Variants in TRPC4 observed in about 807,000 individuals in gnomAD.
The protein encoded by TRPC4 is short transient receptor potential channel 4.
In TRPC4, 49 loss-of-function variants were observed where a neutral mutation model predicts 99.4. The observed-to-expected ratio is 0.49, with a 90% CI of 0.39 to 0.63. The LOEUF (loss-of-function observed/expected upper bound fraction) is 0.63, where lower values mean the gene tolerates loss of function less well. TRPC4 is among the 20% of genes least tolerant of loss of function. The probability of loss-of-function intolerance (pLI) is 0.00; values close to 1 mark genes in which losing one functional copy is unlikely to be tolerated. For synonymous variants in TRPC4, 454 were observed against 425.9 expected (o/e 1.07, Z -0.81); for missense variants, 898 against 1,152.9 (o/e 0.78, Z 3.20).
chr13:37,782,936 A>C lies in TRPC4; in HGVS notation c.378+20T>G. The C allele has an allele frequency of 7.0e-7, 1 of 1,425,384 alleles. No homozygotes were observed. Among genetic ancestry groups the C allele is most frequent in the South Asian group, 1.8e-5 (1 of 55,722 alleles). The allele number at this position is 1,425,384 out of a possible 1,614,324, so 88.3% of individuals were successfully genotyped here. A position where few individuals can be genotyped will look rare whatever the true frequency, so the allele number is the denominator to read the frequency against. ...CCTTCTGCAGGTAAAATAAATTAAA[A>C]ACTGTATTTTTGCAGGTACCTGTTT... is the stretch of plus-strand genomic sequence containing the variant. On this transcript the variant is annotated intron_variant, in intron 2 of 10. Transcript: ENST00000379705.
intron 1 of TRPC4, among the ~76,000 whole-genome samples, chr13:37,842,474 C>T (rs1332343526): frequency 6.7e-6 from 1 of 149,868 alleles, no homozygotes; most frequent in Non-Finnish European, 1.5e-5. Context: ...ATCTTTGTTT[C>T]TGTAGCTGTT....
At position 37,637,438 on chromosome 13, in the gene TRPC4, G is replaced by C. The variant is rs2138517722; in HGVS notation, c.2399C>G (p.Thr800Ser). ...KKKNFSLFDL[T>S]TLIHPRSAAI... Reference sequence around the variant, plus strand: ...TGCTGATCTCGGATGAATCAGGGTGGTTAAATCAAAAAGGCTGAAATTCTT... The same window carrying C: ...TGCTGATCTCGGATGAATCAGGGTGCTTAAATCAAAAAGGCTGAAATTCTT... Residue 800 changes from threonine to serine, a missense_variant, in exon 11 of 11, where the codon ACC becomes AGC. Thr to Ser is a moderately conservative substitution (Grantham distance 58, BLOSUM62 1). Transcript: ENST00000379705. 6.2e-7 allele frequency: 1 copy of C among 1,613,594 alleles called. No individual in the cohort carries two copies. The highest frequency in any genetic ancestry group is 8.5e-7 in the Non-Finnish European group (1 of 1,179,776).
chr13:37,721,812 A>G (rs1954880236), intron 3 of TRPC4, among the ~76,000 whole-genome samples: 1 of 152,048 alleles, frequency 6.6e-6, no homozygotes, highest in Non-Finnish European at 1.5e-5. Context: ...AAATATTTTT[A>G]TGGGTATACA....
chr13:37,687,990 T>G (rs1379286551), intron 4 of TRPC4, among the ~76,000 whole-genome samples: 1 of 152,246 alleles, frequency 6.6e-6, no homozygotes, highest in East Asian at 1.9e-4. Flanking sequence ...GTTTTCTGCA[T>G]TAGTTAGAAC....
chr13:37,722,418 A>G (rs1453350201), intron 3 of TRPC4, among the ~76,000 whole-genome samples: 1 of 152,244 alleles, frequency 6.6e-6, no homozygotes, highest in Non-Finnish European at 1.5e-5. Flanking sequence ...TAATCAGAGC[A>G]TTCAAATTTC....
At chr13:37,694,639 T>C (rs529527390) in intron 3 of TRPC4, among the ~76,000 whole-genome samples, 1 of 152,364 alleles carries the variant, frequency 6.6e-6, no homozygotes, top group South Asian at 2.1e-4. Context: ...TTTATTTTTT[T>C]TCTTAAAAGT....
chr13:37,702,041 T>C (rs1188220130), intron 3 of TRPC4, among the ~76,000 whole-genome samples: 1 of 152,170 alleles, frequency 6.6e-6, no homozygotes, highest in Non-Finnish European at 1.5e-5. Context: ...GGTAGAATCT[T>C]TCCTTGACTT....
In TRPC4 at chr13:37,647,856, T is replaced by G. The variant is rs572467515; in HGVS notation, c.2079+3409A>C. Among the ~76,000 whole-genome samples the G allele has an allele frequency of 4.6e-5, 7 of 152,218 alleles. No homozygotes were observed. In the South Asian group the frequency reaches 1.4e-3, roughly 32 times the overall value. On this transcript the variant is annotated intron_variant, in intron 8 of 10. Coordinates refer to ENST00000379705, the MANE Select transcript of TRPC4 (RefSeq NM_016179.4). ...AGTTGAAATAAATTCACAGAAAAAT[T>G]AATTACTTTTGATATTACTTTCTCA...
intron 2 of TRPC4, among the ~76,000 whole-genome samples, chr13:37,767,240 T>A (rs1422467933): frequency 6.6e-6 from 1 of 151,254 alleles, no homozygotes; most frequent in Non-Finnish European, 1.5e-5. Flanking sequence ...CTAAAAAAGC[T>A]GTATATTCTA....
chr13:37,774,553 G>C (rs1956647772), intron 2 of TRPC4, among the ~76,000 whole-genome samples: 1 of 151,446 alleles, frequency 6.6e-6, no homozygotes, highest in South Asian at 2.1e-4. Flanking sequence ...TAATTACATA[G>C]GTAAACTTGT....
At chr13:37,812,197 C>CAAAAAAAAAAAAAAA (rs1156963631) in intron 1 of TRPC4, among the ~76,000 whole-genome samples, 90 of 111,216 alleles carry the variant, frequency 8.1e-4, no homozygotes, top group South Asian at 1.2e-3. Context: ...AAAAAAAAAC[C>CAAAAAAAAAAAAAAA]AGGAGATCTA....
At chr13:37,726,687 C>G (rs961939378) in intron 3 of TRPC4, among the ~76,000 whole-genome samples, 1 of 151,980 alleles carries the variant, frequency 6.6e-6, no homozygotes, top group African/African-American at 2.4e-5. Flanking sequence ...AGACATGGCT[C>G]AACTATATGC....
At chr13:37,840,603 C>A (rs1310398541) in intron 1 of TRPC4, among the ~76,000 whole-genome samples, 2 of 151,726 alleles carry the variant, frequency 1.3e-5, no homozygotes, top group Non-Finnish European at 1.5e-5. Context: ...CAAATATAGG[C>A]AGTTTTATAT....
intron 2 of TRPC4, among the ~76,000 whole-genome samples, chr13:37,768,112 T>C (rs1296462736): frequency 6.6e-6 from 1 of 151,286 alleles, no homozygotes; most frequent in Non-Finnish European, 1.5e-5. Flanking sequence ...CAAATTAAGG[T>C]AAATGAGGAT....
At chr13:37,819,469 C>T (rs1166246112) in intron 1 of TRPC4, among the ~76,000 whole-genome samples, 1 of 151,968 alleles carries the variant, frequency 6.6e-6, no homozygotes, top group African/African-American at 2.4e-5. Flanking sequence ...AAATGTGATA[C>T]ACCATGGAAT....
intron 2 of TRPC4, among the ~76,000 whole-genome samples, chr13:37,755,433 T>A (rs1372694827): frequency 2.0e-5 from 3 of 149,544 alleles, no homozygotes; most frequent in Non-Finnish European, 4.5e-5. Flanking sequence ...ATTTTTTTAT[T>A]TTTTATTTTT....
At chr13:37,716,534 G>C (rs1196176372) in intron 3 of TRPC4, among the ~76,000 whole-genome samples, 1 of 152,106 alleles carries the variant, frequency 6.6e-6, no homozygotes, top group African/African-American at 2.4e-5. Flanking sequence ...TCTAGGCTGA[G>C]TTATTCTTTT....
intron 1 of TRPC4, among the ~76,000 whole-genome samples, chr13:37,865,191 G>A (rs1023747770): frequency 6.6e-6 from 1 of 151,408 alleles, no homozygotes; most frequent in Non-Finnish European, 1.5e-5. Flanking sequence ...AAATACCAAG[G>A]GACATTAAAA....
At chr13:37,767,581 G>T (rs1190279204) in intron 2 of TRPC4, among the ~76,000 whole-genome samples, 2 of 151,164 alleles carry the variant, frequency 1.3e-5, no homozygotes, top group Non-Finnish European at 1.5e-5. Flanking sequence ...TCAAATTGAA[G>T]AAAAATATAT....
Sources: gnomAD v4.1 joint callset for allele counts (sites outside exome capture counted in the v4.1 genomes callset) on GRCh38, gnomAD v4.1.1 for gene constraint, MANE v1.5 for transcripts, NCBI Gene and HGNC (gene_info 2026-07-23, HGNC 2026-07-21) for gene names.